TEX11: variants seen among roughly 807,000 people sequenced by gnomAD.
TEX11 encodes the protein testis expressed 11, also known as testis-expressed protein 11.
A neutral mutation model predicts 84.4 loss-of-function variants in TEX11; 7 were observed. That is an observed-to-expected ratio of 0.08 (90% confidence interval 0.05 to 0.16). The LOEUF is 0.16. TEX11 is among the 10% of genes least tolerant of loss of function. The pLI, the probability that TEX11 is intolerant of heterozygous loss-of-function variation, is 1.00. For synonymous variants in TEX11, 264 were observed against 222.8 expected, an observed-to-expected ratio of 1.18 and a Z score of -1.64; for missense variants, 551 against 660.5, an observed-to-expected ratio of 0.83 and a Z score of 1.82.
rs1025357061 is a variant in TEX11 at position 70,729,357 on chromosome X, C to T, written c.844-4014G>A. 7.2e-5 allele frequency among the ~76,000 whole-genome samples: 8 copies of T among 111,645 alleles called. No individual in the cohort carries two copies. In the East Asian group the frequency reaches 1.7e-3, roughly 23 times the overall value. On this transcript the variant is annotated intron_variant, in intron 11 of 29. Transcript: ENST00000374333. ...GAGAAGGCTTCAGACGATTAAACTACGCCAAGCTAAAGGAGGAAGTTCGAA... is the reference window on the plus strand; with the variant it reads ...GAGAAGGCTTCAGACGATTAAACTATGCCAAGCTAAAGGAGGAAGTTCGAA...
At chrX:70,811,221 T>G (rs1318622514) in intron 8 of TEX11, among the ~76,000 whole-genome samples, 1 of 97,870 alleles carries the variant, frequency 1.0e-5, no homozygotes, top group African/African-American at 3.8e-5. Flanking sequence ...TTCCCCTTCC[T>G]GTGTCCAAGT....
chrX:70,847,523 G>A (rs899294761), intron 7 of TEX11, among the ~76,000 whole-genome samples: 2 of 110,456 alleles, frequency 1.8e-5, no homozygotes, highest in Non-Finnish European at 3.8e-5. Flanking sequence ...CTTCTTTTTC[G>A]TTTGCTCTGC....
chrX:70,718,514 A>G (rs73220890), intron 13 of TEX11, among the ~76,000 whole-genome samples: 8,485 of 111,932 alleles, frequency 0.076, 281 homozygotes, highest in African/African-American at 0.13. Flanking sequence ...CGCGAGAAAG[A>G]TTCAGAGTGT....
chrX:70,765,423 T>C (rs1428728444), intron 9 of TEX11, among the ~76,000 whole-genome samples: 2 of 111,506 alleles, frequency 1.8e-5, no homozygotes, highest in Non-Finnish European at 3.8e-5. Flanking sequence ...GCCCAATATA[T>C]TAAAAAGATC....
chrX:70,623,599 T>C (rs2089419078), intron 20 of TEX11, among the ~76,000 whole-genome samples: 1 of 112,189 alleles, frequency 8.9e-6, no homozygotes, highest in African/African-American at 3.2e-5. Flanking sequence ...CTGACACTTC[T>C]AAATGTTTCA....
chrX:70,628,289 C>T (rs939707560), intron 18 of TEX11, among the ~76,000 whole-genome samples: 4 of 110,053 alleles, frequency 3.6e-5, no homozygotes, highest in African/African-American at 1.3e-4. Context: ...GAAACATAAG[C>T]CCTCCATCAC....
intron 9 of TEX11, 28 bp from the exon 10 acceptor site, chrX:70,744,247 T>A: frequency 5.0e-6 from 3 of 603,924 alleles, no homozygotes; most frequent in Non-Finnish European, 6.6e-6. Context: ...AAAAAATATA[T>A]ATATATATAT....
At chrX:70,617,840 C>A (rs947589181) in intron 20 of TEX11, among the ~76,000 whole-genome samples, 1 of 111,679 alleles carries the variant, frequency 9.0e-6, no homozygotes, top group African/African-American at 3.3e-5. Context: ...CCTGTGAATG[C>A]AAGGAGGAGG....
chrX:70,752,002 T>C (rs1281122443), intron 9 of TEX11, among the ~76,000 whole-genome samples: 1 of 112,292 alleles, frequency 8.9e-6, no homozygotes, highest in African/African-American at 3.2e-5. Flanking sequence ...TCGATAACGA[T>C]TAACACAAAA....
intron 5 of TEX11, among the ~76,000 whole-genome samples, chrX:70,860,234 T>C (rs754363789): frequency 1.2e-4 from 13 of 111,650 alleles, no homozygotes; most frequent in South Asian, 7.5e-4. Flanking sequence ...TATCATATTA[T>C]ATATGATACA....
intron 17 of TEX11, among the ~76,000 whole-genome samples, chrX:70,635,060 C>T (rs1452643789): frequency 1.8e-5 from 2 of 112,223 alleles, no homozygotes; most frequent in African/African-American, 6.5e-5. Context: ...TCATTCCCCA[C>T]AAGAACATCA....
rs1220031854 is a variant in TEX11 at position 70,879,753 on chromosome X, TTAA to T, written c.159+232_159+234del. 4.5e-5 allele frequency among the ~76,000 whole-genome samples: 5 copies of T among 111,012 alleles called. No individual in the cohort carries two copies. In the East Asian group the frequency reaches 1.4e-3, roughly 31 times the overall value. ...TGAAGCCTGGGGAGGTTAATAAATA[TTAA>T]TAATAAATAACATTGCTAATAAATA... is the stretch of plus-strand genomic sequence containing the variant. On this transcript the variant is annotated intron_variant, in intron 3 of 29. Coordinates refer to ENST00000374333, the MANE Select transcript of TEX11 (RefSeq NM_031276.3).
At chrX:70,516,747 C>G in the TEX11 span, among the ~76,000 whole-genome samples, 2 of 110,240 alleles carry the variant, frequency 1.8e-5, no homozygotes, top group African/African-American at 3.3e-5. Context: ...TTCTTCCTAC[C>G]CATGAGCATG....
chrX:70,812,269 C>T (rs933503253), intron 8 of TEX11, among the ~76,000 whole-genome samples: 3 of 109,085 alleles, frequency 2.8e-5, no homozygotes, highest in Non-Finnish European at 3.8e-5. Context: ...CAGTGGCGCA[C>T]GATCTCCGCT....
chrX:70,907,634 C>T (rs896215865), intron 2 of TEX11, 119 bp downstream of exon 2: 10 of 518,413 alleles, frequency 1.9e-5, no homozygotes, highest in East Asian at 3.7e-5. Flanking sequence ...CCTCGTGATC[C>T]GCCCGCCTCG....
intron 17 of TEX11, among the ~76,000 whole-genome samples, chrX:70,646,976 A>C (rs2089749754): frequency 8.9e-6 from 1 of 112,126 alleles, no homozygotes; most frequent in African/African-American, 3.2e-5. Context: ...TATGGAATCA[A>C]CTTAACTGTT....
intron 7 of TEX11, among the ~76,000 whole-genome samples, chrX:70,840,025 G>C (rs771827351): frequency 1.2e-4 from 13 of 111,881 alleles, no homozygotes; most frequent in Non-Finnish European, 2.3e-4. Context: ...AAAGTGATGG[G>C]GAGAATGGAA....
At chrX:70,583,830 T>C (rs1190114145) in intron 25 of TEX11, among the ~76,000 whole-genome samples, 1 of 111,724 alleles carries the variant, frequency 9.0e-6, no homozygotes, top group Non-Finnish European at 1.9e-5. Context: ...AGTGTGAAGA[T>C]TTCTCAAAGA....
chrX:70,628,021 G>A (rs1007596600), intron 18 of TEX11, among the ~76,000 whole-genome samples: 1 of 110,708 alleles, frequency 9.0e-6, no homozygotes, highest in African/African-American at 3.3e-5. Context: ...TTAAGGCCAA[G>A]AGCTCCAGAC....
Sources: allele counts gnomAD v4.1 joint callset (sites outside exome capture counted in the v4.1 genomes callset), GRCh38; gene constraint gnomAD v4.1.1; transcripts MANE v1.5; gene names NCBI Gene and HGNC (gene_info 2026-07-23, HGNC 2026-07-21).